GDAP2: variants seen among roughly 807,000 people sequenced by gnomAD.
GDAP2 encodes the protein ganglioside induced differentiation associated protein 2.
In GDAP2, 51 loss-of-function variants were observed where a neutral mutation model predicts 67.0. The ratio of observed to expected loss-of-function variants is 0.76; its 90% CI spans 0.61 to 0.96. The LOEUF (loss-of-function observed/expected upper bound fraction) is 0.96, where lower values mean the gene tolerates loss of function less well. GDAP2 is among the 40% of genes least tolerant of loss of function. GDAP2 has a pLI of 0.00. For missense variants in GDAP2, 547 were observed against 588.3 expected (o/e 0.93, Z 0.73); for synonymous variants, 203 against 207.3 (o/e 0.98, Z 0.18).
At chr1:117,887,316 T>C (rs895343542) in intron 9 of GDAP2, among the ~76,000 whole-genome samples, 1 of 152,064 alleles carries the variant, frequency 6.6e-6, no homozygotes, top group Admixed American at 6.6e-5. Context: ...AATCTGAAAA[T>C]TACTAAAAAG....
At position 117,906,620 on chromosome 1, in the gene GDAP2, A is replaced by G. The variant is rs561363466; in HGVS notation, c.560-38T>C. The G allele has an allele frequency of 2.6e-5, 28 of 1,069,750 alleles. 1 individual carries two copies. In the South Asian group the frequency reaches 3.5e-4, roughly 14 times the overall value. The allele number at this position is 1,069,750 out of a possible 1,614,324, so 66.3% of individuals were successfully genotyped here. ...ATAGAAAGATTACTCAATAAATAAA[A>G]AATTACTTATACATAAAGAAAAATC... On this transcript the variant is annotated intron_variant, in intron 5 of 13. Coordinates refer to ENST00000369443, the MANE Select transcript of GDAP2 (RefSeq NM_017686.4).
chr1:117,914,815 A>G (rs1221321772), intron 3 of GDAP2, among the ~76,000 whole-genome samples: 1 of 152,230 alleles, frequency 6.6e-6, no homozygotes, highest in Non-Finnish European at 1.5e-5. Context: ...TCTATTTCTA[A>G]GCAAATTACC....
chr1:117,867,059 T>C lies in GDAP2; in HGVS notation c.*3510A>G, dbSNP rs2101110598. 6.6e-6 allele frequency: 1 copy of C among 152,284 alleles called. No individual in the cohort carries two copies. Among genetic ancestry groups the C allele is most frequent in the East Asian group, 1.9e-4 (1 of 5,178 alleles). 9.4% of individuals were successfully genotyped at this position (152,284 alleles called of 1,614,324 possible). A position where few individuals can be genotyped will look rare whatever the true frequency, so the allele number is the denominator to read the frequency against. ...TATATTAAGCAATTTAAACTCTATA[T>C]ACATACATACTGTCAATGTATCGGG... On this transcript the variant is annotated 3_prime_UTR_variant, in exon 14 of 14. Transcript: ENST00000369443.
intron 10 of GDAP2, 148 bp downstream of exon 10, chr1:117,886,429 C>T: frequency 1.8e-6 from 1 of 569,170 alleles, no homozygotes; most frequent in East Asian, 2.8e-5. Context: ...TGAAATGATA[C>T]AGGTCCACTC....
chr1:117,906,715 C>A (rs1649672248), intron 5 of GDAP2, 133 bp from the exon 6 acceptor site: 1 of 579,780 alleles, frequency 1.7e-6, no homozygotes, highest in East Asian at 2.9e-5. Context: ...TTAGTAATAC[C>A]CTATCAGTGA....
At position 117,870,452 on chromosome 1, in the gene GDAP2, A is replaced by T. The variant is rs1403152130; in HGVS notation, c.*117T>A. 3 of 722,190 alleles carry T rather than the reference A, an allele frequency of 4.2e-6. No homozygotes were observed. Among genetic ancestry groups the T allele is most frequent in the Non-Finnish European group, 7.4e-6 (3 of 403,734 alleles). The allele number at this position is 722,190 out of a possible 1,614,324, so 44.7% of individuals were successfully genotyped here. ...TACAGTCAATAAAAAAATACCAGAG[A>T]GGTGGGGACAAAAGGCTCTCTGGAT... On this transcript the variant is annotated 3_prime_UTR_variant, in exon 14 of 14. Coordinates refer to ENST00000369443, the MANE Select transcript of GDAP2 (RefSeq NM_017686.4).
intron 5 of GDAP2, among the ~76,000 whole-genome samples, chr1:117,911,751 G>C (rs1315030193): frequency 2.0e-5 from 3 of 146,418 alleles, no homozygotes; most frequent in Non-Finnish European, 4.5e-5. Context: ...ACTATTTAAT[G>C]ATTAAAAAAA....
At chr1:117,918,955 C>A (rs1346385023) in intron 2 of GDAP2, among the ~76,000 whole-genome samples, 1 of 152,126 alleles carries the variant, frequency 6.6e-6, no homozygotes, top group Admixed American at 6.6e-5. Context: ...CACAAAACCA[C>A]CATGTTTAGA....
chr1:117,879,227 A>G (rs139762145), intron 12 of GDAP2, among the ~76,000 whole-genome samples: 4 of 152,334 alleles, frequency 2.6e-5, no homozygotes, highest in Non-Finnish European at 5.9e-5. Context: ...AACTGATGCA[A>G]TGTGCTAGGA....
intron 1 of GDAP2, among the ~76,000 whole-genome samples, chr1:117,926,794 T>C (rs1650459788): frequency 6.6e-6 from 1 of 152,190 alleles, no homozygotes; most frequent in Admixed American, 6.5e-5. Context: ...AGTAGATTTG[T>C]AAATAAATTT....
At chr1:117,900,785 G>A (rs1468403898) in intron 6 of GDAP2, among the ~76,000 whole-genome samples, 1 of 150,908 alleles carries the variant, frequency 6.6e-6, no homozygotes, top group Non-Finnish European at 1.5e-5. Context: ...AAAAGGCCGG[G>A]CACGGTGGCT....
At position 117,865,495 on chromosome 1, in the gene GDAP2, A is replaced by G. The variant is rs1047910044; in HGVS notation, c.*5074T>C. ...CGCCCAATACCAATTAAAATCATTT[A>G]TATATGTTAAGCTCTTAAATATTTA... is the stretch of plus-strand genomic sequence containing the variant. On this transcript the variant is annotated 3_prime_UTR_variant, in exon 14 of 14. Coordinates refer to ENST00000369443, the MANE Select transcript of GDAP2 (RefSeq NM_017686.4). The G allele has an allele frequency of 1.3e-5, 2 of 152,194 alleles. No individual in the cohort carries two copies. Among genetic ancestry groups the G allele is most frequent in the Non-Finnish European group, 2.9e-5 (2 of 68,034 alleles). 9.4% of individuals were successfully genotyped at this position (152,194 alleles called of 1,614,324 possible).
chr1:117,874,916 C>A (rs1648402403), intron 13 of GDAP2, among the ~76,000 whole-genome samples: 1 of 152,126 alleles, frequency 6.6e-6, no homozygotes, highest in Admixed American at 6.5e-5. Context: ...ATACTGGTAC[C>A]CTACGGTATC....
intron 13 of GDAP2, chr1:117,877,147 A>T (rs1425409876): frequency 8.8e-6 from 2 of 227,344 alleles, no homozygotes; most frequent in South Asian, 1.6e-4. Context: ...TAGCCATTAG[A>T]TCACATTATA....
chr1:117,912,823 C>G, intron 3 of GDAP2, 140 bp from the exon 4 acceptor site: 1 of 694,312 alleles, frequency 1.4e-6, no homozygotes, highest in Non-Finnish European at 2.5e-6. Context: ...AAGCATTTAT[C>G]TCTGTTACTT....
At chr1:117,923,808 T>C (rs1216195618) in intron 1 of GDAP2, among the ~76,000 whole-genome samples, 1 of 152,256 alleles carries the variant, frequency 6.6e-6, no homozygotes, top group African/African-American at 2.4e-5. Context: ...TATATACTCA[T>C]ATAGCCTTTT....
At chr1:117,906,657 T>C (rs1014469186) in intron 5 of GDAP2, 75 bp from the exon 6 acceptor site, 6 of 793,744 alleles carry the variant, frequency 7.6e-6, no homozygotes, top group African/African-American at 1.7e-5. Context: ...AGCTCTTCAA[T>C]GTTTTAGTTT....
intron 1 of GDAP2, among the ~76,000 whole-genome samples, chr1:117,921,323 C>T (rs944196057): frequency 6.6e-6 from 1 of 152,118 alleles, no homozygotes; most frequent in East Asian, 1.9e-4. Context: ...AGAGCAAGTC[C>T]CTGCCCTTCA....
chr1:117,912,624 T>G lies in GDAP2; in HGVS notation c.376A>C (p.Ile126Leu). 1 of 1,613,638 alleles carries G rather than the reference T, an allele frequency of 6.2e-7. No individual in the cohort carries two copies. Among genetic ancestry groups the G allele is most frequent in the Non-Finnish European group, 8.5e-7 (1 of 1,179,574 alleles). ...KGFNLAARFI[I>L]HTVGPKYKSR... ...TTATATTTAGGTCCCACTGTGTGAA[T>G]GATGAACCGGGCAGCTAGATTGAAT... Residue 126 changes from isoleucine to leucine, a missense_variant, in exon 4 of 14, where the codon ATT becomes CTT. By Grantham distance (5) the Ile-to-Leu change is conservative (BLOSUM62 2). Coordinates refer to ENST00000369443, the MANE Select transcript of GDAP2 (RefSeq NM_017686.4).
Sources: gnomAD v4.1 joint callset for allele counts (sites outside exome capture counted in the v4.1 genomes callset) on GRCh38, gnomAD v4.1.1 for gene constraint, MANE v1.5 for transcripts, NCBI Gene and HGNC (gene_info 2026-07-23, HGNC 2026-07-21) for gene names.